PADI4: variants seen among roughly 807,000 people sequenced by gnomAD.
PADI4 encodes peptidyl arginine deiminase 4.
In PADI4, 62 loss-of-function variants were observed where a neutral mutation model predicts 75.0. The observed-to-expected ratio is 0.83, with a 90% CI of 0.67 to 1.02. PADI4 has a LOEUF of 1.02. Among genes scored for constraint, PADI4 ranks in the 50% least tolerant of loss-of-function variants. The pLI is 0.00. For synonymous variants in PADI4, 361 were observed against 348.1 expected, an observed-to-expected ratio of 1.04 and a Z score of -0.41; for missense variants, 845 against 850.5, an observed-to-expected ratio of 0.99 and a Z score of 0.08.
At chr1:17,320,915 G>T (rs892273106) in intron 1 of PADI4, among the ~76,000 whole-genome samples, 22 of 152,220 alleles carry the variant, frequency 1.4e-4, no homozygotes, top group African/African-American at 5.1e-4. Flanking sequence ...GACACTTGTG[G>T]TTACATTGGG....
In PADI4 at chr1:17,320,127, T is replaced by C. The variant is rs565916310; in HGVS notation, c.93-10842T>C. ...GCAAGGCTGTATTCCTTCTGGAAGC[T>C]CCAGGGGCAAACCCATTCCTTGCAG... On this transcript the variant is annotated intron_variant, in intron 1 of 15. Coordinates refer to ENST00000375448, the MANE Select transcript of PADI4 (RefSeq NM_012387.3). Among the ~76,000 whole-genome samples, 14 of 152,358 alleles carry C rather than the reference T, an allele frequency of 9.2e-5. No homozygotes were observed. In the East Asian group the frequency reaches 2.7e-3, roughly 29 times the overall value.
chr1:17,355,381 G>A (rs1256350208), intron 11 of PADI4, among the ~76,000 whole-genome samples: 2 of 152,026 alleles, frequency 1.3e-5, no homozygotes, highest in South Asian at 2.1e-4. Flanking sequence ...GCGAAACCCC[G>A]TCTCTACTAA....
At chr1:17,352,134 G>T (rs1247089933) in intron 10 of PADI4, among the ~76,000 whole-genome samples, 1 of 151,018 alleles carries the variant, frequency 6.6e-6, no homozygotes, top group Non-Finnish European at 1.5e-5. Flanking sequence ...GAGGTGATGG[G>T]AGGCAGTAGG....
intron 3 of PADI4, 125 bp downstream of exon 3, chr1:17,334,134 G>A (rs1471822982): frequency 4.5e-6 from 3 of 668,884 alleles, no homozygotes; most frequent in Middle Eastern, 2.5e-4. Flanking sequence ...GAAAAAGCAT[G>A]GTTTCTAGCC....
At position 17,356,550 on chromosome 1, in the gene PADI4, GT is replaced by G. The variant is rs1389164221; in HGVS notation, c.1558+92del. 5 of 738,596 alleles carry G rather than the reference GT, an allele frequency of 6.8e-6. No homozygotes were observed. Among genetic ancestry groups the G allele is most frequent in the African/African-American group, 3.5e-5 (2 of 57,034 alleles). The allele number at this position is 738,596 out of a possible 1,614,324, so 45.8% of individuals were successfully genotyped here. Reference sequence around the variant, plus strand: ...TGGAGGGAATCATCCAGGCAATAGGGTAGCATCTGAGCACCTACTGTGCGCC... The same window carrying G: ...TGGAGGGAATCATCCAGGCAATAGGGAGCATCTGAGCACCTACTGTGCGCC... On this transcript the variant is annotated intron_variant, in intron 13 of 15. Coordinates refer to ENST00000375448, the MANE Select transcript of PADI4 (RefSeq NM_012387.3). This position sits in a 1 kb window ranked among gnomAD's most constrained non-coding sequence, Gnocchi z 4.1.
intron 1 of PADI4, among the ~76,000 whole-genome samples, chr1:17,320,694 G>A (rs11203354): frequency 0.17 from 25,251 of 152,114 alleles, 2,380 homozygotes; most frequent in South Asian, 0.29. Flanking sequence ...AGTCACTCTC[G>A]TCATCGTCTT....
chr1:17,338,269 T>G, intron 5 of PADI4, 114 bp downstream of exon 5: 4 of 724,398 alleles, frequency 5.5e-6, no homozygotes, highest in Non-Finnish European at 9.9e-6. Context: ...CATCTTCTTG[T>G]TGGCAAATCT....
At chr1:17,359,217 T>TGGCC in intron 14 of PADI4, 63 bp from the exon 15 acceptor site, 1 of 647,812 alleles carries the variant, frequency 1.5e-6, no homozygotes, top group Non-Finnish European at 2.6e-6. Context: ...CCCCACACTG[T>TGGCC]CCCCCACCCC....
rs372957129 is a variant in PADI4 at position 17,337,990 on chromosome 1, G to C, written c.409-48G>C. 129 of 1,051,946 alleles carry C rather than the reference G, an allele frequency of 1.2e-4. No homozygotes were observed. In the African/African-American group the frequency reaches 1.7e-3, roughly 14 times the overall value. 65.2% of individuals were successfully genotyped at this position (1,051,946 alleles called of 1,614,324 possible). A position where few individuals can be genotyped will look rare whatever the true frequency, so the allele number is the denominator to read the frequency against. On this transcript the variant is annotated intron_variant, in intron 4 of 15. Transcript: ENST00000375448. Reference sequence around the variant, plus strand: ...TGCTATGCCTCTTGCAAGAGTTGGAGGGCTCTATGCTAGTTTCTGAGCATG... The same window carrying C: ...TGCTATGCCTCTTGCAAGAGTTGGACGGCTCTATGCTAGTTTCTGAGCATG...
Position 17,333,135 on chromosome 1 carries a change from A to G in PADI4, c.274-808A>G, listed in dbSNP as rs143329502. 5.5e-3 allele frequency among the ~76,000 whole-genome samples: 839 copies of G among 152,306 alleles called. 10 individuals carry two copies. Among genetic ancestry groups the G allele is most frequent in the African/African-American group, 0.019 (804 of 41,576 alleles). On this transcript the variant is annotated intron_variant, in intron 2 of 15. Transcript: ENST00000375448. The stretch of plus-strand genomic sequence containing the variant: ...GCATTTGTACTTTAGAAGGATCCCA[A>G]TGGCTGTGGCCTAGCAAGTAGATAG...
rs987880796 is a variant in PADI4, at chr1:17,341,228, A to T, written c.653-715A>T. Among the ~76,000 whole-genome samples, 5 of 151,426 alleles carry T rather than the reference A, an allele frequency of 3.3e-5. No homozygotes were observed. The East Asian group carries it at 9.7e-4, about 29-fold the overall frequency. The stretch of plus-strand genomic sequence containing the variant: ...ATTCTCCTGCCTCAGCCTCCCGAGT[A>T]GCTGTGATTATAGGCATCCACCACA... On this transcript the variant is annotated intron_variant, in intron 6 of 15. Transcript: ENST00000375448.
chr1:17,344,822 G>A (rs2074486726), intron 8 of PADI4, among the ~76,000 whole-genome samples: 2 of 152,260 alleles, frequency 1.3e-5, no homozygotes, highest in African/African-American at 4.8e-5. Flanking sequence ...TGCAGGGGTG[G>A]TGTTCTCATG....
intron 10 of PADI4, among the ~76,000 whole-genome samples, chr1:17,351,797 G>T (rs1325290758): frequency 6.6e-6 from 1 of 151,250 alleles, no homozygotes; most frequent in Non-Finnish European, 1.5e-5. Flanking sequence ...GCAGGAGCAT[G>T]CCTTGAGTGT....
At position 17,350,153 on chromosome 1, in the gene PADI4, C is replaced by T. The variant is rs1409090338; in HGVS notation, c.1155+2105C>T. Among the ~76,000 whole-genome samples the T allele has an allele frequency of 1.6e-5, 2 of 128,470 alleles. 1 individual carries two copies. The highest frequency in any genetic ancestry group is 3.5e-5 in the Non-Finnish European group (2 of 57,084). The allele number at this position is 128,470 out of a possible 152,430, so 84.3% of individuals were successfully genotyped here. On this transcript the variant is annotated intron_variant, in intron 10 of 15. Coordinates refer to ENST00000375448, the MANE Select transcript of PADI4 (RefSeq NM_012387.3). ...ATCATGGACTCGTTCATCTACTTTT[C>T]GTTGCCTGCGCTGCTGGGCCTGAGG...
intron 1 of PADI4, among the ~76,000 whole-genome samples, 195 bp from the exon 2 acceptor site, chr1:17,330,774 C>T (rs2074196018): frequency 6.6e-6 from 1 of 152,172 alleles, no homozygotes; most frequent in Admixed American, 6.5e-5. Flanking sequence ...CTTCCTCTCC[C>T]AGTCCACTGA....
Position 17,342,080 on chromosome 1 carries a change from C to A in PADI4, c.790C>A (p.Leu264Ile), listed in dbSNP as rs759342533. 1 of 1,614,082 alleles carries A rather than the reference C, an allele frequency of 6.2e-7. No homozygotes were observed. Among genetic ancestry groups the A allele is most frequent in the Admixed American group, 1.7e-5 (1 of 60,030 alleles). Residue 264 changes from leucine to isoleucine, a missense_variant, in exon 7 of 16, where the codon CTC (leucine) becomes ATC (isoleucine). By Grantham distance (5) the Leu-to-Ile change is conservative. Coordinates refer to ENST00000375448, the MANE Select transcript of PADI4 (RefSeq NM_012387.3). ...LAFPDTDFPG[L>I]ITLTISLLDT... is the part of the protein sequence containing the mutation. ...TTTCCCGGACACCGACTTCCCGGGGCTCATTACCCTCACCATCTCCCTGCT... is the reference window on the plus strand; with the variant it reads ...TTTCCCGGACACCGACTTCCCGGGGATCATTACCCTCACCATCTCCCTGCT...
At chr1:17,340,730 T>G (rs2074402681) in intron 6 of PADI4, among the ~76,000 whole-genome samples, 1 of 151,060 alleles carries the variant, frequency 6.6e-6, no homozygotes, top group Non-Finnish European at 1.5e-5. Flanking sequence ...GGAGGGTTTT[T>G]TTTTTGCATG....
At chr1:17,327,129 T>C (rs2074129236) in intron 1 of PADI4, among the ~76,000 whole-genome samples, 1 of 152,134 alleles carries the variant, frequency 6.6e-6, no homozygotes, top group African/African-American at 2.4e-5. Flanking sequence ...CTCAGGCTGG[T>C]CTTAAACTCC....
chr1:17,345,977 C>T, intron 8 of PADI4, 51 bp from the exon 9 acceptor site: 1 of 1,237,266 alleles, frequency 8.1e-7, no homozygotes, highest in South Asian at 1.2e-5. Context: ...TCCTTCCAGG[C>T]TGAGCTTCAA....
Sources: gnomAD v4.1 joint callset for allele counts (sites outside exome capture counted in the v4.1 genomes callset) on GRCh38, gnomAD v4.1.1 for gene constraint, Gnocchi (gnomAD v3.1) non-coding constraint, MANE v1.5 for transcripts, NCBI Gene and HGNC (gene_info 2026-07-23, HGNC 2026-07-21) for gene names.